GLI2: variants seen among roughly 807,000 people sequenced by gnomAD.
GLI2 encodes transcription activator GLI2.
A neutral mutation model predicts 78.9 loss-of-function variants in GLI2; 22 were observed. The observed-to-expected ratio is 0.28, with a 90% confidence interval of 0.20 to 0.40. The LOEUF (loss-of-function observed/expected upper bound fraction) is 0.40, where lower values mean the gene tolerates loss of function less well. Ranked by LOEUF, GLI2 falls within the 10% of genes least tolerant of loss-of-function variation. The pLI is 1.00. For missense variants in GLI2, 2,097 were observed against 2,213.2 expected, an observed-to-expected ratio of 0.95 and a Z score of 1.05; for synonymous variants, 974 against 963.7, an observed-to-expected ratio of 1.01 and a Z score of -0.20.
intron 8 of GLI2, 123 bp from the exon 9 acceptor site, chr2:120,974,852 T>G: frequency 7.5e-7 from 1 of 1,335,190 alleles, no homozygotes; most frequent in Non-Finnish European, 1.1e-6. Context: ...ACACACACAC[T>G]TGCATCCACA....
At chr2:120,940,317 C>T (rs1166401747) in intron 3 of GLI2, among the ~76,000 whole-genome samples, 2 of 152,180 alleles carry the variant, frequency 1.3e-5, no homozygotes, top group Non-Finnish European at 2.9e-5. Flanking sequence ...TTTTTCCCTG[C>T]ATGTTCTCCT....
chr2:120,896,696 T>TACACACACACACAC (rs70954513), intron 2 of GLI2, among the ~76,000 whole-genome samples: 4 of 128,820 alleles, frequency 3.1e-5, no homozygotes, highest in Non-Finnish European at 6.8e-5. Flanking sequence ...CACACACCCA[T>TACACACACACACAC]ACACACACAC....
At chr2:120,745,572 TC>T (rs1432098090) in intron 1 of GLI2, among the ~76,000 whole-genome samples, 3 of 152,204 alleles carry the variant, frequency 2.0e-5, no homozygotes, top group Non-Finnish European at 4.4e-5. Context: ...TTCACTACTG[TC>T]CTGCAGGCCT....
chr2:120,972,028 G>T lies in GLI2; in HGVS notation c.1147G>T (p.Gly383Cys). 6.2e-7 allele frequency: 1 copy of T among 1,613,484 alleles called. No homozygotes were observed. Among genetic ancestry groups the T allele is most frequent in the Non-Finnish European group, 8.5e-7 (1 of 1,179,996 alleles). ...CAGCAAGGTCAAGACCGAGCCTGAG[G>T]GCCTGCGGCCGGCCTCCCCTCTGGC... ...KRSKVKTEPE[G>C]LRPASPLALT... Residue 383 changes from glycine (G) to cysteine (C), a missense_variant, in exon 8 of 14, where the codon GGC becomes TGC. Physicochemically the swap from Gly to Cys is radical, Grantham distance 159 (BLOSUM62 -3). Coordinates refer to ENST00000361492, the MANE Select transcript of GLI2 (RefSeq NM_001374353.1).
chr2:120,874,231 G>A (rs1428101207), intron 2 of GLI2, among the ~76,000 whole-genome samples: 2 of 152,160 alleles, frequency 1.3e-5, no homozygotes, highest in Admixed American at 6.5e-5. Flanking sequence ...GTTTGCCTTG[G>A]CTTTGGTCTG....
At chr2:120,796,316 C>G (rs1217467564) in intron 1 of GLI2, among the ~76,000 whole-genome samples, 2 of 152,172 alleles carry the variant, frequency 1.3e-5, no homozygotes, top group Admixed American at 6.5e-5. Context: ...CCTGCTTAAC[C>G]CAAACCACCA....
intron 2 of GLI2, among the ~76,000 whole-genome samples, chr2:120,812,290 C>T (rs970420979): frequency 6.6e-6 from 1 of 152,212 alleles, no homozygotes; most frequent in African/African-American, 2.4e-5. Context: ...GCCCGGTCCC[C>T]TCACTGCGTT....
At position 120,991,117 on chromosome 2, in the gene GLI2, A is replaced by G. The variant is rs1233618161; in HGVS notation, c.*442A>G. 6.1e-6 allele frequency: 1 copy of G among 163,594 alleles called. No individual in the cohort carries two copies. The highest frequency in any genetic ancestry group is 2.4e-5 in the African/African-American group (1 of 41,630). 10.1% of individuals were successfully genotyped at this position (163,594 alleles called of 1,614,324 possible). A position where few individuals can be genotyped will look rare whatever the true frequency, so the allele number is the denominator to read the frequency against. On this transcript the variant is annotated 3_prime_UTR_variant, in exon 14 of 14. Transcript: ENST00000361492. ...TCCGGAAAGATGAGCTTTTTATTCT[A>G]CTACTTGGAAGGAAAAGGAATTCCT...
chr2:120,739,967 T>C (rs891765984), intron 1 of GLI2, among the ~76,000 whole-genome samples: 16 of 152,220 alleles, frequency 1.1e-4, no homozygotes, highest in Admixed American at 7.2e-4. Flanking sequence ...TCATCCGACA[T>C]TGATGTTTGA....
rs1685318243 is a variant in GLI2 at position 120,812,822 on chromosome 2, T to C, written c.148+15354T>C. On this transcript the variant is annotated intron_variant, in intron 2 of 13. Coordinates refer to ENST00000361492, the MANE Select transcript of GLI2 (RefSeq NM_001374353.1). Reference sequence around the variant, plus strand: ...AACCTCTGGTGCTGGCCCAGGTGAGTGCCCCCTCCAATCCTGCCAGTGTGT... The same window carrying C: ...AACCTCTGGTGCTGGCCCAGGTGAGCGCCCCCTCCAATCCTGCCAGTGTGT... Among the ~76,000 whole-genome samples the C allele has an allele frequency of 2.0e-5, 3 of 152,174 alleles. No individual in the cohort carries two copies. In the South Asian group the frequency reaches 6.2e-4, roughly 32 times the overall value.
chr2:120,797,752 G>A (rs1271991474), intron 2 of GLI2, among the ~76,000 whole-genome samples: 2 of 152,116 alleles, frequency 1.3e-5, no homozygotes, highest in African/African-American at 4.8e-5. Flanking sequence ...GAGAGAGGGA[G>A]GAGGGGCATG....
intron 5 of GLI2, among the ~76,000 whole-genome samples, chr2:120,961,821 G>T (rs189727115): frequency 6.6e-6 from 1 of 152,360 alleles, no homozygotes; most frequent in Non-Finnish European, 1.5e-5. Context: ...GCTGCATCCT[G>T]CTGGCCTTGT....
chr2:120,859,823 C>G (rs1026778973), intron 2 of GLI2, among the ~76,000 whole-genome samples: 5 of 150,104 alleles, frequency 3.3e-5, no homozygotes, highest in African/African-American at 1.2e-4. Context: ...ATGGCACAAT[C>G]TCAGCTCACT....
At chr2:120,918,501 C>T (rs931529674) in intron 2 of GLI2, among the ~76,000 whole-genome samples, 4 of 147,304 alleles carry the variant, frequency 2.7e-5, no homozygotes, top group South Asian at 4.3e-4. Flanking sequence ...AGTGCATTGG[C>T]GCAATCTCAG....
At chr2:120,781,670 G>A (rs1001272151) in intron 1 of GLI2, among the ~76,000 whole-genome samples, 1 of 152,190 alleles carries the variant, frequency 6.6e-6, no homozygotes, top group African/African-American at 2.4e-5. Context: ...ATCACCTGAG[G>A]TCAGGAGTTT....
rs534617888 is a variant in GLI2 at position 120,782,515 on chromosome 2, C to T, written c.-30-14776C>T. On this transcript the variant is annotated intron_variant, in intron 1 of 13. Transcript: ENST00000361492. ...GGTGTGGCGAAGCTGAGTCAGTTGC[C>T]CACAGTTTGCAGCAAGAGGCTGACC... Among the ~76,000 whole-genome samples the T allele has an allele frequency of 6.6e-5, 10 of 152,296 alleles. No individual in the cohort carries two copies. The South Asian group carries it at 2.1e-3, about 32-fold the overall frequency.
intron 2 of GLI2, among the ~76,000 whole-genome samples, chr2:120,870,295 G>A (rs1204483772): frequency 6.6e-6 from 1 of 152,208 alleles, no homozygotes; most frequent in Non-Finnish European, 1.5e-5. Flanking sequence ...AAGGTCTGCA[G>A]CAGTGTTTCC....
rs183508716 is a variant in GLI2, at chr2:120,970,371, C to T, written c.846-22C>T. 418 of 1,409,404 alleles carry T rather than the reference C, an allele frequency of 3.0e-4. 3 individuals are homozygous for T. In the African/African-American group the frequency reaches 5.1e-3, roughly 17 times the overall value. 87.3% of individuals were successfully genotyped at this position (1,409,404 alleles called of 1,614,324 possible). A position where few individuals can be genotyped will look rare whatever the true frequency, so the allele number is the denominator to read the frequency against. On this transcript the variant is annotated intron_variant, in intron 6 of 13. Coordinates refer to ENST00000361492, the MANE Select transcript of GLI2 (RefSeq NM_001374353.1). ...AGCTCCCGATCCCCCACCCCCACTT[C>T]CTTGTCTGCTCTCTGTTGCAGCCCA...
rs574155934 is a variant in GLI2, at chr2:120,774,394, A to T, written c.-30-22897A>T. Among the ~76,000 whole-genome samples the T allele has an allele frequency of 1.2e-4, 18 of 152,324 alleles. No individual in the cohort carries two copies. In the South Asian group the frequency reaches 3.7e-3, roughly 32 times the overall value. Reference sequence around the variant, plus strand: ...ACAAAGCTGAATAACCACCACCACTATCTAAACCACTATCACCACATATCT... The same window carrying T: ...ACAAAGCTGAATAACCACCACCACTTTCTAAACCACTATCACCACATATCT... On this transcript the variant is annotated intron_variant, in intron 1 of 13. Transcript: ENST00000361492.
Sources: allele counts gnomAD v4.1 joint callset (sites outside exome capture counted in the v4.1 genomes callset), GRCh38; gene constraint gnomAD v4.1.1; transcripts MANE v1.5; gene names NCBI Gene and HGNC (gene_info 2026-07-23, HGNC 2026-07-21).